LOC400499: variants seen among roughly 807,000 people sequenced by gnomAD.
At chr16:11,464,995 G>A in the LOC400499 span, among the ~76,000 whole-genome samples, 1 of 152,240 alleles carries the variant, frequency 6.6e-6, no homozygotes, top group African/African-American at 2.4e-5. Context: ...TGACGGCAGA[G>A]CTGGAAGAGG....
chr16:11,469,153 G>A, the LOC400499 span: 1 of 399,600 alleles, frequency 2.5e-6, no homozygotes. Context: ...AGACACAGGT[G>A]GGCCTAGGGT....
chr16:11,386,788 G>A, the LOC400499 span, among the ~76,000 whole-genome samples: 2 of 152,218 alleles, frequency 1.3e-5, 1 homozygote, highest in Non-Finnish European at 2.9e-5. Context: ...CTTGGCTACA[G>A]GTCGCCTCTG....
the LOC400499 span, among the ~76,000 whole-genome samples, chr16:11,405,366 G>C: frequency 0.027 from 4,071 of 152,294 alleles, 182 homozygotes; most frequent in African/African-American, 0.093. Flanking sequence ...CCAAGACCTG[G>C]TCCTGGCCCT....
At chr16:11,511,532 T>C in the LOC400499 span, among the ~76,000 whole-genome samples, 1 of 152,188 alleles carries the variant, frequency 6.6e-6, no homozygotes. Flanking sequence ...AAAAATCCAA[T>C]TCATGCCACA....
chr16:11,461,140 C>G, the LOC400499 span: 2 of 1,525,206 alleles, frequency 1.3e-6, no homozygotes, highest in Non-Finnish European at 1.8e-6. Flanking sequence ...AGAGAGCAGG[C>G]AGATGAGAGG....
chr16:11,431,044 A>AGT, the LOC400499 span: 7 of 398,962 alleles, frequency 1.8e-5, no homozygotes, highest in Non-Finnish European at 2.7e-5. Context: ...ACCCTCTTGA[A>AGT]GTGTCTCCTT....
At chr16:11,455,011 T>C in the LOC400499 span, among the ~76,000 whole-genome samples, 1 of 152,148 alleles carries the variant, frequency 6.6e-6, no homozygotes, top group African/African-American at 2.4e-5. Flanking sequence ...CAATGAACAA[T>C]CTGATGTGTC....
the LOC400499 span, chr16:11,461,066 C>T: frequency 1.9e-4 from 286 of 1,535,990 alleles, 1 homozygote; most frequent in Middle Eastern, 2.3e-3. Context: ...ACAAACAGCT[C>T]GGCACCCAGG....
chr16:11,395,657 G>A, the LOC400499 span, among the ~76,000 whole-genome samples: 103 of 152,314 alleles, frequency 6.8e-4, 1 homozygote, highest in African/African-American at 2.3e-3. Flanking sequence ...TTGTACAAAT[G>A]TGTTTGCTCC....
chr16:11,401,867 G>A, the LOC400499 span, among the ~76,000 whole-genome samples: 4,976 of 152,256 alleles, frequency 0.033, 255 homozygotes, highest in African/African-American at 0.11. Flanking sequence ...GGGGACCCAG[G>A]TCTCCTGCTG....
At chr16:11,383,587 G>A in the LOC400499 span, 1 of 1,231,490 alleles carries the variant, frequency 8.1e-7, no homozygotes, top group African/African-American at 1.5e-5. Flanking sequence ...TTTCCCTCTG[G>A]CCTGGAAGGC....
At chr16:11,488,874 T>G in the LOC400499 span, 26 of 398,760 alleles carry the variant, frequency 6.5e-5, no homozygotes, top group African/African-American at 5.1e-4. Context: ...CCCACTGGAA[T>G]AGAGTCGTGG....
the LOC400499 span, chr16:11,435,512 C>A: frequency 1.3e-5 from 5 of 397,548 alleles, no homozygotes; most frequent in East Asian, 1.8e-4. Flanking sequence ...TCTTTTCATG[C>A]CCTCAGTGGC....
the LOC400499 span, among the ~76,000 whole-genome samples, chr16:11,464,957 CCT>C: frequency 6.6e-6 from 1 of 152,194 alleles, no homozygotes; most frequent in Non-Finnish European, 1.5e-5. Flanking sequence ...ACAGCTCTCC[CCT>C]GACATAGGTC....
chr16:11,475,053 A>G, the LOC400499 span, among the ~76,000 whole-genome samples: 1 of 152,192 alleles, frequency 6.6e-6, no homozygotes, highest in African/African-American at 2.4e-5. Context: ...TGATTTATTG[A>G]GCAAGTATGA....
chr16:11,459,757 A>G, the LOC400499 span: 1 of 874,418 alleles, frequency 1.1e-6, no homozygotes, highest in Non-Finnish European at 1.5e-6. Context: ...TGGAGATGCA[A>G]AAGGGAAAGT....
the LOC400499 span, among the ~76,000 whole-genome samples, chr16:11,405,232 C>T: frequency 2.0e-5 from 3 of 152,176 alleles, no homozygotes; most frequent in African/African-American, 4.8e-5. Flanking sequence ...GTGCACTCAG[C>T]CCAGGGCTAC....
the LOC400499 span, among the ~76,000 whole-genome samples, chr16:11,386,119 A>T: frequency 6.6e-6 from 1 of 152,244 alleles, no homozygotes; most frequent in African/African-American, 2.4e-5. Flanking sequence ...TCACTATGTA[A>T]GTGGATAGCC....
chr16:11,470,052 G>A, the LOC400499 span, among the ~76,000 whole-genome samples: 4 of 152,118 alleles, frequency 2.6e-5, no homozygotes, highest in South Asian at 2.1e-4. Context: ...ACAGGCATGC[G>A]CCAACAAGCC....
Sources: allele counts gnomAD v4.1 joint callset (sites outside exome capture counted in the v4.1 genomes callset), GRCh38; gene constraint gnomAD v4.1.1; transcripts MANE v1.5.